The following DCDC2C variants were observed in gnomAD, a reference collection of about 807,000 sequenced individuals.
DCDC2C encodes the protein doublecortin domain-containing protein 2C.
Under a neutral mutation model 45.0 loss-of-function variants are expected in DCDC2C, and 44 were observed. The observed-to-expected ratio is 0.98, with a 90% CI of 0.77 to 1.26. DCDC2C has a LOEUF of 1.26. DCDC2C is among the 50% of genes most tolerant of loss of function. DCDC2C has a pLI of 0.00. For synonymous variants in DCDC2C, 187 were observed against 178.8 expected, an observed-to-expected ratio of 1.05 and a Z score of -0.37; for missense variants, 447 against 468.9, an observed-to-expected ratio of 0.95 and a Z score of 0.43.
chr2:3,836,708 C>A (rs1006459115), intron 10 of DCDC2C, among the ~76,000 whole-genome samples: 4 of 152,006 alleles, frequency 2.6e-5, no homozygotes, highest in Admixed American at 2.0e-4. Context: ...TAAAAATACA[C>A]AAAATTAGCC....
Position 3,769,288 on chromosome 2 carries a change from TTGTC to T in DCDC2C, c.854-19_854-16del, listed in dbSNP as rs756234453. On this transcript the variant is annotated intron_variant, in intron 7 of 10. Transcript: ENST00000399143. ...CAGCTTCTCCATGGGTTTCAAAAGT[TTGTC>T]TGTGTGATTTTCTCCCAGAAGGTGA... The T allele has an allele frequency of 7.1e-6, 11 of 1,544,474 alleles. No homozygotes were observed. In the East Asian group the frequency reaches 7.4e-5, roughly 10 times the overall value.
chr2:3,825,356 T>A (rs1006367156), intron 10 of DCDC2C, among the ~76,000 whole-genome samples: 2 of 152,214 alleles, frequency 1.3e-5, no homozygotes, highest in Admixed American at 1.3e-4. Context: ...TCGAATCCTG[T>A]GCCTTCTAGG....
intron 10 of DCDC2C, among the ~76,000 whole-genome samples, chr2:3,785,401 C>T (rs984649579): frequency 1.3e-5 from 2 of 150,138 alleles, no homozygotes; most frequent in East Asian, 2.1e-4. Flanking sequence ...TTTATGATTG[C>T]CTGGAAAACC....
intron 9 of DCDC2C, among the ~76,000 whole-genome samples, 167 bp downstream of exon 9, chr2:3,779,051 A>G (rs923957585): frequency 6.6e-6 from 1 of 152,094 alleles, no homozygotes; most frequent in Non-Finnish European, 1.5e-5. Context: ...CGTGGACACG[A>G]TCGGGTTTCC....
At chr2:3,794,934 C>G (rs201832449) in intron 10 of DCDC2C, among the ~76,000 whole-genome samples, 2 of 152,224 alleles carry the variant, frequency 1.3e-5, no homozygotes, top group East Asian at 3.9e-4. Flanking sequence ...CCTGAGGAAT[C>G]GCCACACTGA....
chr2:3,727,780 G>A (rs1331020409), intron 3 of DCDC2C, among the ~76,000 whole-genome samples: 2 of 152,196 alleles, frequency 1.3e-5, no homozygotes, highest in South Asian at 2.1e-4. Flanking sequence ...TGGGACCTGT[G>A]CCTGCTGCTT....
intron 2 of DCDC2C, among the ~76,000 whole-genome samples, chr2:3,719,433 TG>T (rs1668434542): frequency 6.6e-6 from 1 of 152,218 alleles, no homozygotes. Flanking sequence ...CCCAAGCCTC[TG>T]GCTGTCCACA....
intron 3 of DCDC2C, among the ~76,000 whole-genome samples, chr2:3,727,973 T>C (rs1668744244): frequency 6.6e-6 from 1 of 152,180 alleles, no homozygotes. Context: ...AGCATTTTAG[T>C]GATTAAAAGC....
At chr2:3,766,513 G>A (rs1252857971) in intron 6 of DCDC2C, among the ~76,000 whole-genome samples, 1 of 152,112 alleles carries the variant, frequency 6.6e-6, no homozygotes, top group Non-Finnish European at 1.5e-5. Context: ...TTCTCCTTAA[G>A]AACATGATTT....
chr2:3,840,943 T>C (rs1235970070), intron 10 of DCDC2C, among the ~76,000 whole-genome samples: 3 of 152,234 alleles, frequency 2.0e-5, no homozygotes, highest in Non-Finnish European at 4.4e-5. Context: ...GAGTAAACCA[T>C]GCTCTCATGA....
At chr2:3,747,587 C>T (rs537902989) in intron 4 of DCDC2C, among the ~76,000 whole-genome samples, 40 of 152,348 alleles carry the variant, frequency 2.6e-4, no homozygotes, top group South Asian at 1.4e-3. Context: ...GTAGCCCAAT[C>T]GCAGCATAGG....
intron 6 of DCDC2C, among the ~76,000 whole-genome samples, chr2:3,764,087 C>T (rs929982783): frequency 1.3e-5 from 2 of 152,198 alleles, no homozygotes; most frequent in South Asian, 2.1e-4. Context: ...GAGGAGGCAT[C>T]GACTTCATCA....
Position 3,778,842 on chromosome 2 carries a change from T to G in DCDC2C, c.981T>G (p.Asp327Glu), listed in dbSNP as rs1297655881. The G allele has an allele frequency of 3.9e-6, 6 of 1,550,960 alleles. No homozygotes were observed. The Admixed American group carries it at 1.2e-4, about 30-fold the overall frequency. ...DQRQAEIVKE[D>E]EEIHENTPDF... ...GACAAGCTGAGATAGTTAAAGAAGA[T>G]GAAGAGATACATGAGAACACCCCTG... is the stretch of plus-strand genomic sequence containing the variant. The change falls in exon 9 of 11, where the codon GAT (aspartate) becomes GAG (glutamate). Residue 327 changes from aspartate (D) to glutamate (E), a missense_variant. By Grantham distance (45) the Asp-to-Glu change is conservative (BLOSUM62 2). Transcript: ENST00000399143.
rs569520971 is a variant in DCDC2C, at chr2:3,791,257, C to A, written c.1065+6157C>A. Among the ~76,000 whole-genome samples, 3 of 152,310 alleles carry A rather than the reference C, an allele frequency of 2.0e-5. No individual in the cohort carries two copies. In the South Asian group the frequency reaches 6.2e-4, roughly 32 times the overall value. ...GGCAGTGCTCTTCATGAATAAAACA[C>A]AAGGTATTGCATTGGCATTTTATAA... On this transcript the variant is annotated intron_variant, in intron 10 of 10. Coordinates refer to ENST00000399143, the MANE Select transcript of DCDC2C (RefSeq NM_001287444.2).
At chr2:3,777,653 C>T (rs1378485466) in intron 8 of DCDC2C, among the ~76,000 whole-genome samples, 2 of 152,176 alleles carry the variant, frequency 1.3e-5, no homozygotes, top group Non-Finnish European at 2.9e-5. Context: ...TCTACATAAG[C>T]TATAGGAAGA....
At chr2:3,728,199 G>C (rs1319813652) in intron 3 of DCDC2C, among the ~76,000 whole-genome samples, 3 of 152,270 alleles carry the variant, frequency 2.0e-5, no homozygotes, top group African/African-American at 7.2e-5. Flanking sequence ...CCTCAGGCTG[G>C]GAACGAGAAA....
chr2:3,788,120 A>AT (rs1222302100), intron 10 of DCDC2C, among the ~76,000 whole-genome samples: 2 of 152,150 alleles, frequency 1.3e-5, no homozygotes, highest in African/African-American at 4.8e-5. Context: ...AGGAAGTTTT[A>AT]TTTTTTCTTC....
chr2:3,843,724 T>G (rs1287097054), intron 10 of DCDC2C, among the ~76,000 whole-genome samples: 1 of 152,198 alleles, frequency 6.6e-6, no homozygotes, highest in African/African-American at 2.4e-5. Flanking sequence ...TAAAAATGCC[T>G]TTTCTGTTTC....
At chr2:3,823,698 A>T (rs915402755) in intron 10 of DCDC2C, among the ~76,000 whole-genome samples, 7 of 151,910 alleles carry the variant, frequency 4.6e-5, no homozygotes, top group African/African-American at 1.4e-4. Context: ...TTTTTCTTTT[A>T]TATCTTTATC....
Sources: allele counts gnomAD v4.1 joint callset (sites outside exome capture counted in the v4.1 genomes callset), GRCh38; gene constraint gnomAD v4.1.1; transcripts MANE v1.5; gene names NCBI Gene and HGNC (gene_info 2026-07-23, HGNC 2026-07-21).